The following CHM variants were observed in gnomAD, a reference collection of about 807,000 sequenced individuals.
The protein encoded by CHM is CHM Rab escort protein.
Under a neutral mutation model 49.0 loss-of-function variants are expected in CHM, and 10 were observed. The ratio of observed to expected loss-of-function variants is 0.20; its 90% CI spans 0.13 to 0.35. The LOEUF is 0.35. Ranked by LOEUF, CHM falls within the 10% of genes least tolerant of loss-of-function variation. CHM has a pLI of 1.00. For missense variants in CHM, 455 were observed against 478.4 expected, an observed-to-expected ratio of 0.95 and a Z score of 0.46; for synonymous variants, 184 against 167.5, an observed-to-expected ratio of 1.10 and a Z score of -0.76.
chrX:85,891,776 G>A (rs926621741), intron 12 of CHM, among the ~76,000 whole-genome samples: 9 of 111,758 alleles, frequency 8.1e-5, no homozygotes, highest in East Asian at 2.8e-4. Context: ...GAGGGCCACC[G>A]TCCTCCAGAC....
At chrX:85,916,569 G>A (rs1287276805) in intron 8 of CHM, among the ~76,000 whole-genome samples, 3 of 111,494 alleles carry the variant, frequency 2.7e-5, no homozygotes, top group East Asian at 5.6e-4. Flanking sequence ...CTAATATCCA[G>A]CATCTATAAG....
At chrX:85,884,490 T>A (rs993389582) in intron 12 of CHM, among the ~76,000 whole-genome samples, 2 of 111,179 alleles carry the variant, frequency 1.8e-5, no homozygotes, top group Middle Eastern at 4.7e-3. Flanking sequence ...AAGTAGTTAG[T>A]AAAAACTGGG....
At position 85,861,453 on chromosome X, in the gene CHM, A is replaced by G. The variant is rs1348716532; in HGVS notation, c.*3177T>C. The G allele has an allele frequency of 9.0e-6, 1 of 111,638 alleles. No homozygotes were observed. The highest frequency in any genetic ancestry group is 1.9e-5 in the Non-Finnish European group (1 of 53,075). 9.2% of individuals were successfully genotyped at this position (111,638 alleles called of 1,213,427 possible). ...GGCTACCAAGGCTGACAATCCAGGT[A>G]ACTATGGCAGTGACAGAAGTCAATC... is the stretch of plus-strand genomic sequence containing the variant. On this transcript the variant is annotated 3_prime_UTR_variant, in exon 15 of 15. Coordinates refer to ENST00000357749, the MANE Select transcript of CHM (RefSeq NM_000390.4).
intron 8 of CHM, among the ~76,000 whole-genome samples, chrX:85,921,482 T>A (rs192390352): frequency 8.9e-6 from 1 of 111,743 alleles, no homozygotes; most frequent in African/African-American, 3.2e-5. Context: ...AAAAAAGAAA[T>A]CTACTAAACA....
chrX:85,958,574 T>G (rs774667848), intron 6 of CHM, among the ~76,000 whole-genome samples: 90 of 111,471 alleles, frequency 8.1e-4, no homozygotes, highest in African/African-American at 2.8e-3. Flanking sequence ...CTCCAAAATC[T>G]TGATTAATGG....
chrX:85,994,492 A>G (rs1932351571), intron 2 of CHM, among the ~76,000 whole-genome samples: 1 of 111,982 alleles, frequency 8.9e-6, no homozygotes, highest in South Asian at 3.8e-4. Flanking sequence ...AGGGTTAAGG[A>G]CTGCTGATTC....
At chrX:85,925,397 C>G (rs1358032051) in intron 8 of CHM, among the ~76,000 whole-genome samples, 1 of 111,635 alleles carries the variant, frequency 9.0e-6, no homozygotes, top group Non-Finnish European at 1.9e-5. Flanking sequence ...AAACTAAGCT[C>G]TTAATAAAAT....
chrX:85,966,321 C>G (rs1930579619), intron 4 of CHM, among the ~76,000 whole-genome samples: 1 of 104,858 alleles, frequency 9.5e-6, no homozygotes, highest in Non-Finnish European at 1.9e-5. Context: ...TGCACTCCAG[C>G]CTGGGCAACA....
chrX:85,953,921 C>T (rs1030030511), intron 8 of CHM, among the ~76,000 whole-genome samples: 1 of 111,369 alleles, frequency 9.0e-6, no homozygotes, highest in Non-Finnish European at 1.9e-5. Context: ...AATGGACAAA[C>T]GGGAACACAT....
intron 8 of CHM, among the ~76,000 whole-genome samples, chrX:85,920,108 T>A (rs111361284): frequency 0.021 from 2,299 of 109,819 alleles, 55 homozygotes; most frequent in African/African-American, 0.072. Flanking sequence ...TTTTATTTTT[T>A]TTTTTGAGAT....
chrX:86,018,132 G>T (rs895208963), intron 2 of CHM, among the ~76,000 whole-genome samples: 1 of 112,021 alleles, frequency 8.9e-6, no homozygotes, highest in East Asian at 2.8e-4. Context: ...TTTATGAAAA[G>T]AAAAACTAAA....
At chrX:85,943,245 A>G (rs1929223924) in intron 8 of CHM, among the ~76,000 whole-genome samples, 1 of 110,701 alleles carries the variant, frequency 9.0e-6, no homozygotes, top group Non-Finnish European at 1.9e-5. Flanking sequence ...ACAAATTTAC[A>G]AGAAAAAAAC....
intron 2 of CHM, among the ~76,000 whole-genome samples, chrX:85,983,191 T>C (rs1235869816): frequency 9.0e-6 from 1 of 110,966 alleles, no homozygotes; most frequent in Non-Finnish European, 1.9e-5. Context: ...TTTATTAATA[T>C]AGATCATATC....
At chrX:86,002,511 T>C (rs1212945092) in intron 2 of CHM, among the ~76,000 whole-genome samples, 1 of 112,420 alleles carries the variant, frequency 8.9e-6, no homozygotes, top group African/African-American at 3.2e-5. Context: ...GATTTCTGCA[T>C]TTCCAACTGA....
chrX:85,884,027 A>T (rs958721964), intron 12 of CHM, among the ~76,000 whole-genome samples: 2 of 111,352 alleles, frequency 1.8e-5, no homozygotes, highest in East Asian at 5.6e-4. Flanking sequence ...AAATGACTTT[A>T]AAAGAAAGTA....
chrX:85,981,672 G>A (rs1334504986), intron 3 of CHM, 65 bp downstream of exon 3: 1 of 791,978 alleles, frequency 1.3e-6, no homozygotes, highest in Non-Finnish European at 1.9e-6. Context: ...GTTTTCTTCA[G>A]TGCAGGGTTA....
chrX:85,900,917 G>C (rs1926233064), intron 10 of CHM, among the ~76,000 whole-genome samples, 167 bp downstream of exon 10: 1 of 111,936 alleles, frequency 8.9e-6, no homozygotes, highest in South Asian at 3.7e-4. Context: ...CTGAAGCAAA[G>C]GAGTTGAAAT....
intron 3 of CHM, among the ~76,000 whole-genome samples, chrX:85,979,209 C>G (rs1457344687): frequency 8.9e-6 from 1 of 111,982 alleles, no homozygotes; most frequent in Non-Finnish European, 1.9e-5. Context: ...AACTAACCCT[C>G]TATCTGCTGA....
chrX:85,953,669 G>A (rs1056740346), intron 8 of CHM, among the ~76,000 whole-genome samples: 1 of 111,921 alleles, frequency 8.9e-6, no homozygotes, highest in Non-Finnish European at 1.9e-5. Flanking sequence ...TATACACTGG[G>A]TAAAAGACAG....
Sources: gnomAD v4.1 joint callset for allele counts (sites outside exome capture counted in the v4.1 genomes callset) on GRCh38, gnomAD v4.1.1 for gene constraint, MANE v1.5 for transcripts, NCBI Gene and HGNC (gene_info 2026-07-23, HGNC 2026-07-21) for gene names.